The following MAD1L1 variants were observed in gnomAD, a reference collection of about 807,000 sequenced individuals.
The protein encoded by MAD1L1 is mitotic spindle assembly checkpoint protein MAD1.
Under a neutral mutation model 96.9 loss-of-function variants are expected in MAD1L1, and 95 were observed. The observed-to-expected ratio is 0.98, with a 90% CI of 0.83 to 1.16. MAD1L1 has a LOEUF of 1.16. MAD1L1 is among the 50% of genes most tolerant of loss of function. The pLI is 0.00. For missense variants in MAD1L1, 1,007 were observed against 954.4 expected (o/e 1.06, Z -0.73); for synonymous variants, 473 against 396.6 (o/e 1.19, Z -2.29).
chr7:2,004,002 C>T (rs1182306060), intron 13 of MAD1L1, among the ~76,000 whole-genome samples: 2 of 152,212 alleles, frequency 1.3e-5, no homozygotes, highest in Non-Finnish European at 2.9e-5. Context: ...CACCGAGCTG[C>T]AGCCCTGGGC....
At chr7:2,080,353 T>C (rs1785578734) in intron 11 of MAD1L1, among the ~76,000 whole-genome samples, 1 of 152,224 alleles carries the variant, frequency 6.6e-6, no homozygotes, top group Non-Finnish European at 1.5e-5. Context: ...ATATGAGGTT[T>C]AGAAACGCTA....
chr7:1,908,918 G>A (rs560007241), intron 17 of MAD1L1, among the ~76,000 whole-genome samples: 52 of 152,312 alleles, frequency 3.4e-4, no homozygotes, highest in African/African-American at 1.1e-3. Context: ...CGGCGGCTGG[G>A]CGCCTGGCAT....
At chr7:2,137,143 G>A (rs918189188) in intron 11 of MAD1L1, among the ~76,000 whole-genome samples, 2 of 152,168 alleles carry the variant, frequency 1.3e-5, no homozygotes, top group Admixed American at 6.5e-5. Context: ...AATAAGCAAG[G>A]AAACAGAAGT....
chr7:2,210,380 C>A (rs761048399), intron 10 of MAD1L1, among the ~76,000 whole-genome samples: 36 of 152,190 alleles, frequency 2.4e-4, no homozygotes, highest in Non-Finnish European at 4.0e-4. Flanking sequence ...CAGAAATGCA[C>A]ACGTTTACCA....
chr7:1,950,070 G>C (rs1396588144), intron 16 of MAD1L1, among the ~76,000 whole-genome samples: 1 of 134,890 alleles, frequency 7.4e-6, no homozygotes, highest in African/African-American at 2.7e-5. Context: ...GGACAGCAGA[G>C]ACTACTAGAC....
intron 12 of MAD1L1, among the ~76,000 whole-genome samples, chr7:2,068,473 G>A (rs953042668): frequency 1.3e-5 from 2 of 152,216 alleles, no homozygotes; most frequent in Admixed American, 6.5e-5. Context: ...CTTGACAGGT[G>A]CAGCATGCAT....
At chr7:2,083,880 G>A (rs1020444581) in intron 11 of MAD1L1, among the ~76,000 whole-genome samples, 2 of 152,208 alleles carry the variant, frequency 1.3e-5, no homozygotes, top group Admixed American at 6.5e-5. Flanking sequence ...CCTGTGGGCC[G>A]GCTGCAGGAT....
At chr7:2,192,139 T>G (rs1434423811) in intron 10 of MAD1L1, among the ~76,000 whole-genome samples, 4 of 150,676 alleles carry the variant, frequency 2.7e-5, no homozygotes, top group African/African-American at 7.3e-5. Flanking sequence ...GTTTTTTTTG[T>G]TTTTTTTTGA....
chr7:1,956,429 C>T (rs1002250260), intron 16 of MAD1L1, among the ~76,000 whole-genome samples: 13 of 152,170 alleles, frequency 8.5e-5, no homozygotes, highest in Non-Finnish European at 1.6e-4. Context: ...GCTCCTGAAT[C>T]CTGGGCTAGG....
intron 16 of MAD1L1, among the ~76,000 whole-genome samples, chr7:1,949,755 G>A (rs1359413515): frequency 6.6e-6 from 1 of 152,210 alleles, no homozygotes. Context: ...CTGCAGCAGC[G>A]GCTGCTTGGG....
At chr7:1,905,810 G>T (rs1787591552) in intron 17 of MAD1L1, among the ~76,000 whole-genome samples, 1 of 152,164 alleles carries the variant, frequency 6.6e-6, no homozygotes, top group African/African-American at 2.4e-5. Flanking sequence ...AGCACTCTGG[G>T]AGGCCAAAGC....
In MAD1L1 at chr7:2,230,111, G is replaced by A. The variant is rs1222201522; in HGVS notation, c.23C>T (p.Thr8Ile). MEDLGEN[T>I]MVLSTLRSLN... is the part of the protein sequence containing the mutation. The stretch of plus-strand genomic sequence containing the variant: ...AGATCTCAGGGTGGATAAAACCATG[G>A]TGTTTTCCCCCAGGTCTTCCATGGT... The change falls in exon 3 of 19, where the codon ACC becomes ATC. Residue 8 changes from threonine (T) to isoleucine (I), a missense_variant. Coordinates refer to ENST00000265854, the MANE Select transcript of MAD1L1 (RefSeq NM_001013836.2). 1 of 1,602,618 alleles carries A rather than the reference G, an allele frequency of 6.2e-7. No individual in the cohort carries two copies. Among genetic ancestry groups the A allele is most frequent in the Non-Finnish European group, 8.5e-7 (1 of 1,174,462 alleles).
chr7:1,948,603 G>A (rs1357546517), intron 16 of MAD1L1, among the ~76,000 whole-genome samples: 1 of 152,190 alleles, frequency 6.6e-6, no homozygotes, highest in Non-Finnish European at 1.5e-5. Flanking sequence ...GAGGGGTCAT[G>A]CCTGTCCTGG....
chr7:2,161,944 C>A lies in MAD1L1; in HGVS notation c.987-12706G>T, dbSNP rs537794088. ...CGTCCGGGAGGTGGGGGGCAGCCCC[C>A]ACCCGGCCAGCCACCCCGTCCGGGA... is the stretch of plus-strand genomic sequence containing the variant. On this transcript the variant is annotated intron_variant, in intron 10 of 18. Coordinates refer to ENST00000265854, the MANE Select transcript of MAD1L1 (RefSeq NM_001013836.2). 2.1e-4 allele frequency among the ~76,000 whole-genome samples: 30 copies of A among 144,546 alleles called. 1 individual carries two copies. The East Asian group carries it at 2.2e-3, about 11-fold the overall frequency. 94.8% of individuals were successfully genotyped at this position (144,546 alleles called of 152,430 possible). A position where few individuals can be genotyped will look rare whatever the true frequency, so the allele number is the denominator to read the frequency against.
chr7:1,958,166 G>A (rs541539598), intron 15 of MAD1L1, among the ~76,000 whole-genome samples: 2 of 152,282 alleles, frequency 1.3e-5, no homozygotes, highest in East Asian at 3.9e-4. Context: ...TCTACTGCGG[G>A]GTGTGGAAGA....
chr7:2,122,773 G>A (rs1788040423), intron 11 of MAD1L1, among the ~76,000 whole-genome samples: 1 of 152,222 alleles, frequency 6.6e-6, no homozygotes, highest in Non-Finnish European at 1.5e-5. Flanking sequence ...GTGCACGGGT[G>A]AAGGGTTGCT....
intron 18 of MAD1L1, among the ~76,000 whole-genome samples, chr7:1,868,995 C>A (rs1784913308): frequency 2.6e-5 from 4 of 152,194 alleles, no homozygotes; most frequent in Admixed American, 2.6e-4. Context: ...TAGGACTCCC[C>A]CAAGGCTCTG....
At chr7:1,816,836 C>G (rs1781833528) in intron 18 of MAD1L1, among the ~76,000 whole-genome samples, 1 of 151,918 alleles carries the variant, frequency 6.6e-6, no homozygotes, top group Non-Finnish European at 1.5e-5. Context: ...CGGTCCTGGG[C>G]TGTGTGGGGA....
chr7:2,016,949 A>C (rs1189709454), intron 12 of MAD1L1, among the ~76,000 whole-genome samples: 1 of 152,264 alleles, frequency 6.6e-6, no homozygotes, highest in Non-Finnish European at 1.5e-5. Context: ...GACGCCGCGC[A>C]AGGCCGGGGC....
Sources: allele counts gnomAD v4.1 joint callset (sites outside exome capture counted in the v4.1 genomes callset), GRCh38; gene constraint gnomAD v4.1.1; transcripts MANE v1.5; gene names NCBI Gene and HGNC (gene_info 2026-07-23, HGNC 2026-07-21).